DLGAP1: variants seen among roughly 807,000 people sequenced by gnomAD.
DLGAP1 encodes disks large-associated protein 1.
DLGAP1 carries 11 observed loss-of-function variants against 90.8 expected under a neutral mutation model. The observed-to-expected ratio is 0.12, with a 90% CI of 0.08 to 0.20. The LOEUF (loss-of-function observed/expected upper bound fraction) is 0.20, where lower values mean the gene tolerates loss of function less well. Among genes scored for constraint, DLGAP1 ranks in the 10% least tolerant of loss-of-function variants. DLGAP1 has a pLI of 1.00. For missense variants in DLGAP1, 1,050 were observed against 1,333.8 expected (o/e 0.79, Z 3.31); for synonymous variants, 558 against 540.7 (o/e 1.03, Z -0.44).
chr18:3,515,130 A>C (rs2050753655), intron 10 of DLGAP1, among the ~76,000 whole-genome samples: 1 of 152,190 alleles, frequency 6.6e-6, no homozygotes, highest in South Asian at 2.1e-4. Context: ...TGTTGCGTGC[A>C]ATATTTGTTT....
intron 1 of DLGAP1, among the ~76,000 whole-genome samples, chr18:4,440,952 C>G (rs893391752): frequency 6.6e-6 from 1 of 152,200 alleles, no homozygotes; most frequent in African/African-American, 2.4e-5. Context: ...TTAACAATGT[C>G]TACTTAAATA....
Position 4,032,530 on chromosome 18 carries a change from C to T in DLGAP1, c.-158-27329G>A, listed in dbSNP as rs112533324. On this transcript the variant is annotated intron_variant, in intron 2 of 12. Coordinates refer to ENST00000315677, the MANE Select transcript of DLGAP1 (RefSeq NM_004746.4). The stretch of plus-strand genomic sequence containing the variant: ...TTTCTGAGGAAGACTGGCCTTATAT[C>T]TAATTGTTGGGGTCAGGAGGTAAAG... 3.3e-3 allele frequency among the ~76,000 whole-genome samples: 504 copies of T among 151,352 alleles called. 3 individuals are homozygous for T. The highest frequency in any genetic ancestry group is 0.011 in the African/African-American group (466 of 40,666).
intron 9 of DLGAP1, among the ~76,000 whole-genome samples, chr18:3,547,256 C>T (rs1297494120): frequency 7.6e-5 from 11 of 144,370 alleles, no homozygotes; most frequent in Admixed American, 4.3e-4. Context: ...AAGCCGAGAT[C>T]GCGCCACTGC....
intron 1 of DLGAP1, among the ~76,000 whole-genome samples, chr18:4,375,923 T>C (rs575019370): frequency 1.3e-5 from 2 of 152,274 alleles, no homozygotes; most frequent in South Asian, 4.1e-4. Context: ...TTTCTCTTCA[T>C]CAGTTTAAAC....
intron 2 of DLGAP1, among the ~76,000 whole-genome samples, chr18:4,109,833 C>T (rs1330841637): frequency 1.3e-5 from 2 of 151,770 alleles, no homozygotes; most frequent in Non-Finnish European, 2.9e-5. Flanking sequence ...TTAATTTCTC[C>T]TAAGAAGCAA....
intron 5 of DLGAP1, among the ~76,000 whole-genome samples, chr18:3,790,605 G>C (rs2065688250): frequency 6.6e-6 from 1 of 152,150 alleles, no homozygotes; most frequent in African/African-American, 2.4e-5. Flanking sequence ...GAATAAGTTG[G>C]ATTAGGTCAT....
intron 1 of DLGAP1, among the ~76,000 whole-genome samples, chr18:4,352,939 A>T (rs1445471331): frequency 1.3e-5 from 2 of 152,086 alleles, no homozygotes; most frequent in Admixed American, 6.6e-5. Context: ...GAGTATGACA[A>T]TCATCCACCT....
chr18:4,296,890 C>T (rs1428694166), intron 1 of DLGAP1, among the ~76,000 whole-genome samples: 4 of 152,148 alleles, frequency 2.6e-5, no homozygotes, highest in African/African-American at 7.2e-5. Context: ...TCTGAGCAGG[C>T]AATGGATGGA....
intron 2 of DLGAP1, among the ~76,000 whole-genome samples, chr18:4,123,450 C>T (rs1007842587): frequency 6.6e-6 from 1 of 151,932 alleles, no homozygotes; most frequent in Non-Finnish European, 1.5e-5. Flanking sequence ...AAGGAAGGGC[C>T]CAATAAAGTC....
At chr18:4,257,778 C>A (rs956067027) in intron 1 of DLGAP1, among the ~76,000 whole-genome samples, 1 of 152,030 alleles carries the variant, frequency 6.6e-6, no homozygotes, top group South Asian at 2.1e-4. Context: ...ATGCATGCCA[C>A]TATGCCTGGC....
Position 4,330,689 on chromosome 18 carries a change from T to C in DLGAP1, c.-267+124317A>G, listed in dbSNP as rs77123985. ...GCCAAATTTCAAGATACTCTTTTGT[T>C]ATTGATTTATAGTTTAATTTCTTTG... On this transcript the variant is annotated intron_variant, in intron 1 of 12. Coordinates refer to ENST00000315677, the MANE Select transcript of DLGAP1 (RefSeq NM_004746.4). 6.8e-3 allele frequency among the ~76,000 whole-genome samples: 1,040 copies of C among 151,960 alleles called. 26 individuals are homozygous for C. Among genetic ancestry groups the C allele is most frequent in the East Asian group, 0.068 (351 of 5,174 alleles).
chr18:4,120,560 G>A lies in DLGAP1; in HGVS notation c.-159+30620C>T, dbSNP rs2076135631. On this transcript the variant is annotated intron_variant, in intron 2 of 12. Transcript: ENST00000315677. Reference sequence around the variant, plus strand: ...GGTAAGAACGAGATTGGTGCTCAAAGCAGCTAGGGAGGTCTATAGGTTTCG... The same window carrying A: ...GGTAAGAACGAGATTGGTGCTCAAAACAGCTAGGGAGGTCTATAGGTTTCG... 2.6e-5 allele frequency among the ~76,000 whole-genome samples: 4 copies of A among 152,168 alleles called. No individual in the cohort carries two copies. In the South Asian group the frequency reaches 8.3e-4, roughly 32 times the overall value.
chr18:4,045,508 C>T (rs1032911460), intron 2 of DLGAP1, among the ~76,000 whole-genome samples: 32 of 131,620 alleles, frequency 2.4e-4, no homozygotes, highest in East Asian at 9.7e-4. Flanking sequence ...GTGAGGCGGA[C>T]GGATCGCTTG....
chr18:4,254,186 G>A (rs1273027280), intron 1 of DLGAP1, among the ~76,000 whole-genome samples: 1 of 152,152 alleles, frequency 6.6e-6, no homozygotes, highest in Non-Finnish European at 1.5e-5. Context: ...TTGGAATCCT[G>A]ATTTCTCGAA....
intron 1 of DLGAP1, among the ~76,000 whole-genome samples, chr18:4,352,692 C>A (rs904232177): frequency 6.6e-6 from 1 of 152,016 alleles, no homozygotes; most frequent in Non-Finnish European, 1.5e-5. Context: ...CTAACATTTC[C>A]CCACCCAGGA....
At chr18:4,353,569 T>A (rs1464294905) in intron 1 of DLGAP1, among the ~76,000 whole-genome samples, 3 of 152,148 alleles carry the variant, frequency 2.0e-5, no homozygotes, top group African/African-American at 7.2e-5. Context: ...TTTTGGCTCT[T>A]TTTTATAATG....
chr18:4,395,567 T>C (rs1254446958), intron 1 of DLGAP1, among the ~76,000 whole-genome samples: 1 of 152,186 alleles, frequency 6.6e-6, no homozygotes, highest in Admixed American at 6.5e-5. Context: ...TCTGTAAAGA[T>C]TCATTAACAT....
At chr18:3,779,778 A>T (rs1352489389) in intron 5 of DLGAP1, among the ~76,000 whole-genome samples, 50 of 105,638 alleles carry the variant, frequency 4.7e-4, no homozygotes, top group Non-Finnish European at 5.0e-4. Context: ...TTTTTTTTTT[A>T]CTCTTTCTTT....
chr18:3,529,201 G>A (rs2051834993), intron 10 of DLGAP1, among the ~76,000 whole-genome samples: 1 of 152,224 alleles, frequency 6.6e-6, no homozygotes, highest in African/African-American at 2.4e-5. Flanking sequence ...GTTGGTCACA[G>A]GGGCAGAGTC....
Sources: allele counts gnomAD v4.1 joint callset (sites outside exome capture counted in the v4.1 genomes callset), GRCh38; gene constraint gnomAD v4.1.1; transcripts MANE v1.5; gene names NCBI Gene and HGNC (gene_info 2026-07-23, HGNC 2026-07-21).